The following SMAGP variants were observed in gnomAD, a reference collection of about 807,000 sequenced individuals.
The protein encoded by SMAGP is small cell adhesion glycoprotein.
In SMAGP, 7 loss-of-function variants were observed where a neutral mutation model predicts 10.1. The observed-to-expected ratio is 0.70, with a 90% CI of 0.40 to 1.31. The LOEUF (loss-of-function observed/expected upper bound fraction) is 1.31, where lower values mean the gene tolerates loss of function less well. SMAGP is among the 50% of genes most tolerant of loss of function. SMAGP has a pLI of 0.01. For synonymous variants in SMAGP, 49 were observed against 47.2 expected, an observed-to-expected ratio of 1.04 and a Z score of -0.16; for missense variants, 113 against 116.5, an observed-to-expected ratio of 0.97 and a Z score of 0.14.
chr12:51,270,078 C>CTGCGCTGGGGGCGGCCGG (rs1350952648), intron 1 of SMAGP, 178 bp downstream of exon 1: 16 of 151,822 alleles, frequency 1.1e-4, no homozygotes, highest in Non-Finnish European at 2.4e-4. Context: ...GCGGAGCGCG[C>CTGCGCTGGGGGCGGCCGG]TGCGCTGGGG....
Position 51,269,258 on chromosome 12 carries a change from A to AGTAGT in SMAGP, c.16_20dup (p.Pro8LeufsTer9), listed in dbSNP as rs1457917114. The AGTAGT allele has an allele frequency of 1.1e-5, 18 of 1,613,764 alleles. No homozygotes were observed. Among genetic ancestry groups the AGTAGT allele is most frequent in the Non-Finnish European group, 1.4e-5 (17 of 1,179,816 alleles). ...GCCTTCACCTACCTCTTGGAGAAGG[A>AGTAGT]GTAGTCAGGAGGCTGGTCATTGTCA... On this transcript the variant is annotated frameshift_variant, in exon 2 of 4. Transcript: ENST00000603798. LOFTEE classifies it high-confidence loss of function.
chr12:51,267,186 G>C (rs1049732184), intron 2 of SMAGP, among the ~76,000 whole-genome samples: 9 of 152,092 alleles, frequency 5.9e-5, no homozygotes, highest in Admixed American at 5.2e-4. Context: ...CCCTCAGCTA[G>C]CTGCCAAGGT....
In SMAGP at chr12:51,259,279, A is replaced by C. The variant is rs531107076; in HGVS notation, c.34+9966T>G. On this transcript the variant is annotated intron_variant, in intron 2 of 3. Transcript: ENST00000603798. ...CCTGCAGACCCAGGGAAGATTCGAC[A>C]ATTTTAAAATTTTTTGTACAGATGG... Among the ~76,000 whole-genome samples, 4 of 152,272 alleles carry C rather than the reference A, an allele frequency of 2.6e-5. No homozygotes were observed. The East Asian group carries it at 7.7e-4, about 29-fold the overall frequency.
intron 2 of SMAGP, among the ~76,000 whole-genome samples, chr12:51,248,434 ACTCTCTCTCTCT>A (rs56012746): frequency 0.023 from 1,804 of 77,424 alleles, 21 homozygotes; most frequent in Middle Eastern, 0.056. Context: ...ACACACACAC[ACTCTCTCTCTCT>A]CTCTCTCTCT....
chr12:51,264,045 G>C lies in SMAGP; in HGVS notation c.34+5200C>G, dbSNP rs116409115. ...GAGCCCACAAAGACAGAAGTGCCCA[G>C]GGCTCAGGAGTCATAATGTGGCCCT... On this transcript the variant is annotated intron_variant, in intron 2 of 3. Coordinates refer to ENST00000603798, the MANE Select transcript of SMAGP (RefSeq NM_001031628.2). Among the ~76,000 whole-genome samples the C allele has an allele frequency of 8.7e-3, 1,331 of 152,134 alleles. 23 individuals are homozygous for C. Among genetic ancestry groups the C allele is most frequent in the African/African-American group, 0.03 (1,247 of 41,506 alleles).
chr12:51,269,066 G>C (rs1945002788), intron 2 of SMAGP, among the ~76,000 whole-genome samples, 179 bp downstream of exon 2: 1 of 152,168 alleles, frequency 6.6e-6, no homozygotes, highest in Non-Finnish European at 1.5e-5. Flanking sequence ...TGTGACTTCA[G>C]ATTAAAACCG....
chr12:51,246,926 C>G, intron 2 of SMAGP, 95 bp from the exon 3 acceptor site: 3 of 816,916 alleles, frequency 3.7e-6, no homozygotes. Context: ...CCACCTTCTT[C>G]CCTATTCAAA....
intron 2 of SMAGP, among the ~76,000 whole-genome samples, chr12:51,267,998 C>T (rs1944991157): frequency 6.6e-6 from 1 of 152,190 alleles, no homozygotes; most frequent in South Asian, 2.1e-4. Flanking sequence ...GTTTGTTCCT[C>T]TCTCTCCCTA....
chr12:51,249,311 T>A (rs1250839210), intron 2 of SMAGP, among the ~76,000 whole-genome samples: 5 of 152,118 alleles, frequency 3.3e-5, no homozygotes, highest in Non-Finnish European at 7.4e-5. Flanking sequence ...AAAGCAGGGG[T>A]TGGCAGGGGT....
chr12:51,264,743 G>C (rs1247842582), intron 2 of SMAGP, among the ~76,000 whole-genome samples: 2 of 151,744 alleles, frequency 1.3e-5, no homozygotes, highest in Non-Finnish European at 2.9e-5. Flanking sequence ...ACCAGCCTGG[G>C]CAACATGGTG....
At chr12:51,252,426 G>A (rs1592233059) in intron 2 of SMAGP, among the ~76,000 whole-genome samples, 2 of 120,844 alleles carry the variant, frequency 1.7e-5, no homozygotes, top group South Asian at 5.2e-4. Context: ...AAGTCTCACT[G>A]TGTCACCCAG....
At chr12:51,269,555 G>C (rs116403094) in intron 1 of SMAGP, 6,324 of 416,426 alleles carry the variant, frequency 0.015, 180 homozygotes, top group East Asian at 0.11. Context: ...GCTCTCTCCA[G>C]GTCCTTTCAA....
intron 2 of SMAGP, among the ~76,000 whole-genome samples, chr12:51,248,900 C>A (rs373152707): frequency 3.1e-4 from 30 of 95,624 alleles, no homozygotes; most frequent in African/African-American, 9.6e-4. Flanking sequence ...AAAAATACCA[C>A]AAAAAAAAAA....
intron 2 of SMAGP, among the ~76,000 whole-genome samples, chr12:51,258,986 A>C (rs1238586808): frequency 5.1e-4 from 16 of 31,382 alleles, no homozygotes; most frequent in Non-Finnish European, 2.1e-3. Context: ...GTCTCTACCA[A>C]AAAAAAAAAA....
chr12:51,261,810 T>C (rs780556260), intron 2 of SMAGP, among the ~76,000 whole-genome samples: 10 of 152,044 alleles, frequency 6.6e-5, no homozygotes, highest in Non-Finnish European at 1.3e-4. Context: ...TTACAGGCCA[T>C]CCATTGTGGA....
intron 2 of SMAGP, among the ~76,000 whole-genome samples, chr12:51,261,092 A>ATT (rs34540958): frequency 0.66 from 73,313 of 110,696 alleles, 27,804 homozygotes; most frequent in Non-Finnish European, 0.85. Flanking sequence ...CCCAGCCTTA[A>ATT]TTTTTTTTTT....
intron 1 of SMAGP, chr12:51,269,522 T>C (rs1945007068): frequency 1.5e-5 from 8 of 545,526 alleles, no homozygotes; most frequent in Middle Eastern, 1.0e-3. Flanking sequence ...CGCATGCAGT[T>C]TGACGGGGTG....
intron 2 of SMAGP, among the ~76,000 whole-genome samples, chr12:51,262,879 A>G (rs916988020): frequency 2.0e-5 from 3 of 152,154 alleles, no homozygotes; most frequent in Non-Finnish European, 2.9e-5. Flanking sequence ...TGCCCAGCAG[A>G]GGGCGGCTCC....
intron 2 of SMAGP, among the ~76,000 whole-genome samples, chr12:51,261,539 C>T (rs751248940): frequency 6.6e-6 from 1 of 152,252 alleles, no homozygotes; most frequent in South Asian, 2.1e-4. Flanking sequence ...AGAGAACTAA[C>T]AGCAGAAACT....
Sources: gnomAD v4.1 joint callset for allele counts (sites outside exome capture counted in the v4.1 genomes callset) on GRCh38, gnomAD v4.1.1 for gene constraint, MANE v1.5 for transcripts, NCBI Gene and HGNC (gene_info 2026-07-23, HGNC 2026-07-21) for gene names.